Variants in PRKN observed in about 807,000 individuals in gnomAD.
PRKN encodes the protein parkin RBR E3 ubiquitin protein ligase.
Under a neutral mutation model 59.5 loss-of-function variants are expected in PRKN, and 56 were observed. That is an observed-to-expected ratio of 0.94 (90% CI 0.76 to 1.18). PRKN has a LOEUF of 1.18. Ranked by LOEUF, PRKN falls within the 50% of genes most tolerant of loss-of-function variation. PRKN has a pLI of 0.00. For missense variants in PRKN, 657 were observed against 596.4 expected, an observed-to-expected ratio of 1.10 and a Z score of -1.06; for synonymous variants, 250 against 222.1, an observed-to-expected ratio of 1.13 and a Z score of -1.12.
chr6:162,312,053 G>A lies in PRKN; in HGVS notation c.172-49288C>T, dbSNP rs151278564. 1.7e-4 allele frequency among the ~76,000 whole-genome samples: 26 copies of A among 152,028 alleles called. No individual in the cohort carries two copies. The East Asian group carries it at 3.5e-3, about 21-fold the overall frequency. Reference sequence around the variant, plus strand: ...TGTTTGCACACAAAAATCTTGCTTCGCAAACAGAAGGCGGCATGTAAATAA... The same window carrying A: ...TGTTTGCACACAAAAATCTTGCTTCACAAACAGAAGGCGGCATGTAAATAA... On this transcript the variant is annotated intron_variant, in intron 2 of 11. Coordinates refer to ENST00000366898, the MANE Select transcript of PRKN (RefSeq NM_004562.3).
intron 4 of PRKN, among the ~76,000 whole-genome samples, chr6:162,091,571 A>C (rs1954929): frequency 0.69 from 104,908 of 152,058 alleles, 36,357 homozygotes; most frequent in East Asian, 0.86. Flanking sequence ...ATGTAAATGA[A>C]CATCACAAGG....
intron 7 of PRKN, among the ~76,000 whole-genome samples, chr6:161,689,483 C>G (rs1785694838): frequency 6.6e-6 from 1 of 152,126 alleles, no homozygotes; most frequent in Non-Finnish European, 1.5e-5. Flanking sequence ...TAGGGACTGT[C>G]AAAACCTTTT....
intron 5 of PRKN, among the ~76,000 whole-genome samples, chr6:162,014,283 C>A (rs1782848043): frequency 6.6e-6 from 1 of 152,194 alleles, no homozygotes; most frequent in Non-Finnish European, 1.5e-5. Context: ...GGATTCAGAG[C>A]ACAGCCAGAG....
intron 7 of PRKN, among the ~76,000 whole-genome samples, chr6:161,753,222 G>A (rs1016233723): frequency 1.3e-5 from 2 of 152,110 alleles, no homozygotes; most frequent in South Asian, 2.1e-4. Context: ...TAGTTGTCTG[G>A]GAGTGAGAAG....
chr6:162,145,409 T>C (rs1781978341), intron 4 of PRKN, among the ~76,000 whole-genome samples: 1 of 152,200 alleles, frequency 6.6e-6, no homozygotes. Context: ...TCTCATTATT[T>C]TGTGCTAAGC....
intron 2 of PRKN, among the ~76,000 whole-genome samples, chr6:162,396,023 C>A (rs975517682): frequency 1.3e-5 from 2 of 152,182 alleles, no homozygotes; most frequent in Non-Finnish European, 2.9e-5. Context: ...ATATGTCATT[C>A]ATATGTGAAT....
At chr6:161,897,906 G>A (rs1777706056) in intron 6 of PRKN, among the ~76,000 whole-genome samples, 1 of 133,974 alleles carries the variant, frequency 7.5e-6, no homozygotes, top group Admixed American at 8.3e-5. Flanking sequence ...GGCGGAGCTT[G>A]CAGTGAGCTG....
intron 1 of PRKN, among the ~76,000 whole-genome samples, chr6:162,640,806 C>T (rs906451946): frequency 6.6e-6 from 1 of 152,146 alleles, no homozygotes; most frequent in Non-Finnish European, 1.5e-5. Flanking sequence ...CTGGTACAGG[C>T]CTTTCCACAG....
chr6:161,927,129 G>C (rs1583356596), intron 6 of PRKN, among the ~76,000 whole-genome samples: 1 of 152,096 alleles, frequency 6.6e-6, no homozygotes, highest in East Asian at 1.9e-4. Context: ...CATGGGAGTT[G>C]TTTTCTAGTT....
chr6:162,054,067 G>A (rs756563827), intron 5 of PRKN, 24 bp downstream of exon 5: 3 of 1,420,486 alleles, frequency 2.1e-6, no homozygotes, highest in South Asian at 1.1e-5. Context: ...GCAATAAGAG[G>A]AATGAATGTG....
intron 7 of PRKN, among the ~76,000 whole-genome samples, chr6:161,741,084 T>C (rs1458443403): frequency 6.6e-6 from 1 of 152,208 alleles, no homozygotes; most frequent in Non-Finnish European, 1.5e-5. Flanking sequence ...CAGCCATACA[T>C]TTGCATTCTT....
chr6:162,339,011 C>T (rs1369250018), intron 2 of PRKN, among the ~76,000 whole-genome samples: 1 of 150,278 alleles, frequency 6.7e-6, no homozygotes, highest in East Asian at 2.0e-4. Context: ...AGACCCTCTG[C>T]CCGGCAACCA....
rs1236516337 is a variant in PRKN, at chr6:161,440,024, C to T, written c.1084-53147G>A. Among the ~76,000 whole-genome samples the T allele has an allele frequency of 1.3e-5, 2 of 151,554 alleles. No homozygotes were observed. Among genetic ancestry groups the T allele is most frequent in the Admixed American group, 1.3e-4 (2 of 15,202 alleles). On this transcript the variant is annotated intron_variant, in intron 9 of 11. Transcript: ENST00000366898. The surrounding 1 kb of genome is among the most constrained non-coding windows in gnomAD (Gnocchi z 4.1). ...GGAGTGCAGTGGCGCGATCTCGGCT[C>T]ACTGCAAGCTCCACCTCCCGGGTTC...
intron 5 of PRKN, among the ~76,000 whole-genome samples, chr6:162,011,905 T>TC (rs1782737003): frequency 1.9e-5 from 1 of 51,748 alleles, no homozygotes; most frequent in African/African-American, 2.3e-4. Context: ...CTGTGAGAAC[T>TC]TTGGAGAAAT....
chr6:162,075,104 G>A (rs1226837912), intron 4 of PRKN, among the ~76,000 whole-genome samples: 1 of 152,168 alleles, frequency 6.6e-6, no homozygotes, highest in African/African-American at 2.4e-5. Context: ...TTGCATGGAG[G>A]AAAGTTTGCT....
chr6:162,030,883 T>C (rs1014892385), intron 5 of PRKN, among the ~76,000 whole-genome samples: 42 of 152,162 alleles, frequency 2.8e-4, no homozygotes, highest in African/African-American at 9.9e-4. Context: ...ATGAATACTG[T>C]TCCTGATCAT....
chr6:162,411,451 G>C (rs1788350761), intron 2 of PRKN, among the ~76,000 whole-genome samples: 1 of 152,122 alleles, frequency 6.6e-6, no homozygotes, highest in Admixed American at 6.6e-5. Context: ...ACAGATGTTA[G>C]GTTTTCTCCT....
At chr6:161,517,942 G>A (rs1429054512) in intron 9 of PRKN, among the ~76,000 whole-genome samples, 1 of 152,106 alleles carries the variant, frequency 6.6e-6, no homozygotes, top group Non-Finnish European at 1.5e-5. Flanking sequence ...ACAACTTCCT[G>A]TGTATCCATA....
intron 7 of PRKN, among the ~76,000 whole-genome samples, chr6:161,644,830 C>T (rs1041630223): frequency 1.3e-5 from 2 of 152,218 alleles, no homozygotes; most frequent in African/African-American, 4.8e-5. Context: ...ACAGCCAAGG[C>T]TGCCCGAAAT....
Sources: gnomAD v4.1 joint callset for allele counts (sites outside exome capture counted in the v4.1 genomes callset) on GRCh38, gnomAD v4.1.1 for gene constraint, Gnocchi (gnomAD v3.1) non-coding constraint, MANE v1.5 for transcripts, NCBI Gene and HGNC (gene_info 2026-07-23, HGNC 2026-07-21) for gene names.